Variants in TAMM41 observed in about 807,000 individuals in gnomAD.
TAMM41 encodes the protein phosphatidate cytidylyltransferase, mitochondrial.
A neutral mutation model predicts 44.1 loss-of-function variants in TAMM41; 36 were observed. The observed-to-expected ratio is 0.82, with a 90% confidence interval of 0.63 to 1.08. TAMM41 has a LOEUF of 1.08. TAMM41 is among the 50% of genes least tolerant of loss of function. The pLI, the probability that TAMM41 is intolerant of heterozygous loss-of-function variation, is 0.00. For missense variants in TAMM41, 417 were observed against 404.3 expected, an observed-to-expected ratio of 1.03 and a Z score of -0.27; for synonymous variants, 164 against 153.1, an observed-to-expected ratio of 1.07 and a Z score of -0.53.
At chr3:11,820,845 G>C (rs1465600020) in intron 4 of TAMM41, among the ~76,000 whole-genome samples, 2 of 152,192 alleles carry the variant, frequency 1.3e-5, no homozygotes, top group Non-Finnish European at 2.9e-5. Context: ...CCTTGACCTT[G>C]AAATGATACA....
downstream of TAMM41, among the ~76,000 whole-genome samples, chr3:11,788,190 G>C (rs1192270245): frequency 1.3e-5 from 2 of 152,192 alleles, no homozygotes; most frequent in Non-Finnish European, 2.9e-5. Context: ...TATCTAGTTG[G>C]TAAAGTATCT....
the TAMM41 span, among the ~76,000 whole-genome samples, chr3:11,769,337 G>C: frequency 6.6e-6 from 1 of 151,002 alleles, no homozygotes; most frequent in African/African-American, 2.4e-5. Flanking sequence ...TAATCCATCT[G>C]CCTTGGCCTC....
At chr3:11,835,477 CT>C (rs757608393) in intron 3 of TAMM41, among the ~76,000 whole-genome samples, 1 of 152,166 alleles carries the variant, frequency 6.6e-6, no homozygotes, top group Non-Finnish European at 1.5e-5. Context: ...TCCAAGTCAG[CT>C]GAGAAATGCA....
At chr3:11,762,057 G>T in the TAMM41 span, among the ~76,000 whole-genome samples, 2 of 151,794 alleles carry the variant, frequency 1.3e-5, no homozygotes, top group Non-Finnish European at 2.9e-5. Context: ...ACTTTGCTTG[G>T]TGCCCTTGCC....
chr3:11,732,999 TG>T, the TAMM41 span, among the ~76,000 whole-genome samples: 19,057 of 106,162 alleles, frequency 0.18, 1,917 homozygotes, highest in South Asian at 0.27. Flanking sequence ...GTTTTTTTTT[TG>T]TTTGTTTGTT....
the TAMM41 span, among the ~76,000 whole-genome samples, chr3:11,757,639 A>G: frequency 5.3e-5 from 8 of 152,212 alleles, no homozygotes; most frequent in Non-Finnish European, 7.3e-5. Flanking sequence ...TCAGGCCCCA[A>G]TGGGCCTGAT....
At chr3:11,835,954 C>T (rs1293045322) in intron 3 of TAMM41, among the ~76,000 whole-genome samples, 1 of 151,938 alleles carries the variant, frequency 6.6e-6, no homozygotes, top group Non-Finnish European at 1.5e-5. Context: ...CTGAGTTCTT[C>T]CCAGCAGTAC....
At chr3:11,730,326 C>T in the TAMM41 span, among the ~76,000 whole-genome samples, 10 of 149,126 alleles carry the variant, frequency 6.7e-5, no homozygotes, top group African/African-American at 2.5e-4. Flanking sequence ...GAGGCTGAGG[C>T]AGAGAATAGC....
intron 3 of TAMM41, among the ~76,000 whole-genome samples, chr3:11,837,313 T>C (rs989419767): frequency 6.6e-6 from 1 of 151,962 alleles, no homozygotes. Flanking sequence ...ATCTTCCTTA[T>C]AGTAGGAAGT....
chr3:11,844,745 T>C (rs1336410621), intron 1 of TAMM41: 2 of 344,926 alleles, frequency 5.8e-6, no homozygotes, highest in Non-Finnish European at 5.7e-6. Flanking sequence ...ATTTTATCTC[T>C]TACCTATTCA....
downstream of TAMM41, among the ~76,000 whole-genome samples, chr3:11,788,936 T>G (rs751271187): frequency 4.0e-5 from 6 of 150,678 alleles, no homozygotes; most frequent in Non-Finnish European, 8.9e-5. Flanking sequence ...AAATTCCATC[T>G]TGAAAAAACA....
the TAMM41 span, among the ~76,000 whole-genome samples, chr3:11,773,821 G>C: frequency 6.6e-6 from 1 of 152,180 alleles, no homozygotes; most frequent in Non-Finnish European, 1.5e-5. Context: ...CGGGTGCGGT[G>C]GCTCAGCCTG....
chr3:11,767,408 T>G, the TAMM41 span, among the ~76,000 whole-genome samples: 1 of 152,056 alleles, frequency 6.6e-6, no homozygotes, highest in African/African-American at 2.4e-5. Context: ...CTATTATGAA[T>G]GATGTTGTGA....
chr3:11,845,362 G>A (rs781060182), intron 1 of TAMM41, among the ~76,000 whole-genome samples: 9 of 152,124 alleles, frequency 5.9e-5, no homozygotes, highest in Non-Finnish European at 1.3e-4. Flanking sequence ...AAAAGTGAGG[G>A]AATGGGAAGG....
At chr3:11,728,351 C>G in the TAMM41 span, among the ~76,000 whole-genome samples, 1 of 152,186 alleles carries the variant, frequency 6.6e-6, no homozygotes, top group Non-Finnish European at 1.5e-5. Flanking sequence ...GTACTCAGTT[C>G]AAACCCACAT....
chr3:11,746,453 A>G, the TAMM41 span, among the ~76,000 whole-genome samples: 1 of 152,164 alleles, frequency 6.6e-6, no homozygotes, highest in African/African-American at 2.4e-5. Flanking sequence ...AAAGCTGAAA[A>G]TAAGTTAAAT....
At chr3:11,740,077 A>AAAAAC in the TAMM41 span, among the ~76,000 whole-genome samples, 1 of 143,666 alleles carries the variant, frequency 7.0e-6, no homozygotes, top group African/African-American at 2.9e-5. Context: ...ACATAAGGCA[A>AAAAAC]AAAACAAAAC....
At chr3:11,724,639 C>G in the TAMM41 span, among the ~76,000 whole-genome samples, 1 of 151,558 alleles carries the variant, frequency 6.6e-6, no homozygotes, top group African/African-American at 2.4e-5. Context: ...TGGTCTCGAA[C>G]TCCTGACCTC....
At chr3:11,735,604 C>T in the TAMM41 span, among the ~76,000 whole-genome samples, 1 of 152,064 alleles carries the variant, frequency 6.6e-6, no homozygotes, top group Non-Finnish European at 1.5e-5. Context: ...CATTGCACTC[C>T]AGCCTGGGTA....
Sources: allele counts gnomAD v4.1 joint callset (sites outside exome capture counted in the v4.1 genomes callset), GRCh38; gene constraint gnomAD v4.1.1; transcripts MANE v1.5; gene names NCBI Gene and HGNC (gene_info 2026-07-23, HGNC 2026-07-21).